The following FLRT2 variants were observed in gnomAD, a reference collection of about 807,000 sequenced individuals.
FLRT2 encodes the protein leucine-rich repeat transmembrane protein FLRT2.
Under a neutral mutation model 40.0 loss-of-function variants are expected in FLRT2, and 15 were observed. The ratio of observed to expected loss-of-function variants is 0.38; its 90% CI spans 0.25 to 0.58. FLRT2 has a LOEUF of 0.58. Among genes scored for constraint, FLRT2 ranks in the 20% least tolerant of loss-of-function variants. FLRT2 has a pLI of 0.71. For synonymous variants in FLRT2, 380 were observed against 336.8 expected (o/e 1.13, Z -1.41); for missense variants, 726 against 840.0 (o/e 0.86, Z 1.68).
At position 85,626,230 on chromosome 14, in the gene FLRT2, G is replaced by C. The variant is rs1016794985; in HGVS notation, c.*2733G>C. On this transcript the variant is annotated 3_prime_UTR_variant, in exon 2 of 2. Coordinates refer to ENST00000330753, the MANE Select transcript of FLRT2 (RefSeq NM_013231.6). ...TGAAAATTGCCAAACAACTGTCCCT[G>C]GGGATTCTGCTTTGATTGGCATTTT... is the stretch of plus-strand genomic sequence containing the variant. The C allele has an allele frequency of 1.2e-5, 2 of 167,062 alleles. No homozygotes were observed. Among genetic ancestry groups the C allele is most frequent in the African/African-American group, 4.8e-5 (2 of 41,442 alleles). 10.3% of individuals were successfully genotyped at this position (167,062 alleles called of 1,614,324 possible).
intron 1 of FLRT2, among the ~76,000 whole-genome samples, chr14:85,554,422 G>A (rs1400847113): frequency 6.6e-6 from 1 of 152,188 alleles, no homozygotes; most frequent in East Asian, 1.9e-4. Flanking sequence ...TGTATAGGAT[G>A]TACAGTATTT....
At position 85,566,322 on chromosome 14, in the gene FLRT2, G is replaced by A. The variant is rs1006594419; in HGVS notation, c.-377+35788G>A. On this transcript the variant is annotated intron_variant, in intron 1 of 1. Transcript: ENST00000330753. ...ATGGTTTTCACCGGATGCCTGTTGAGTCTGATTGTAGAGACTTTCAAGAGA... is the reference window on the plus strand; with the variant it reads ...ATGGTTTTCACCGGATGCCTGTTGAATCTGATTGTAGAGACTTTCAAGAGA... 2.0e-5 allele frequency among the ~76,000 whole-genome samples: 3 copies of A among 152,222 alleles called. No individual in the cohort carries two copies. In the East Asian group the frequency reaches 5.8e-4, roughly 29 times the overall value.
Position 85,623,508 on chromosome 14 carries a change from C to T in FLRT2, c.*11C>T, listed in dbSNP as rs1205830379. On this transcript the variant is annotated 3_prime_UTR_variant, in exon 2 of 2. Coordinates refer to ENST00000330753, the MANE Select transcript of FLRT2 (RefSeq NM_013231.6). The stretch of plus-strand genomic sequence containing the variant: ...CACTGCCATACGTGACAGCCAGAGG[C>T]CCAGCGTTATCAAGGCGGACAATTA... The T allele has an allele frequency of 2.1e-6, 3 of 1,420,742 alleles. No individual in the cohort carries two copies. Among genetic ancestry groups the T allele is most frequent in the Non-Finnish European group, 2.8e-6 (3 of 1,085,138 alleles). The allele number at this position is 1,420,742 out of a possible 1,614,324, so 88.0% of individuals were successfully genotyped here. A position where few individuals can be genotyped will look rare whatever the true frequency, so the allele number is the denominator to read the frequency against.
rs1079668 is a variant in FLRT2, at chr14:85,641,135, C to A, written c.*17638C>A. The stretch of plus-strand genomic sequence containing the variant: ...AAAGTGAAAACTAACAATAGAGAAG[C>A]CTTTTAAAAACCTAACAGCCTCCAA... On this transcript the variant is annotated 3_prime_UTR_variant, in exon 2 of 2. Coordinates refer to ENST00000330753, the MANE Select transcript of FLRT2 (RefSeq NM_013231.6). 6.6e-6 allele frequency: 1 copy of A among 152,210 alleles called. No individual in the cohort carries two copies. The highest frequency in any genetic ancestry group is 6.5e-5 in the Admixed American group (1 of 15,280). The allele number at this position is 152,210 out of a possible 1,614,324, so 9.4% of individuals were successfully genotyped here. A position where few individuals can be genotyped will look rare whatever the true frequency, so the allele number is the denominator to read the frequency against.
At chr14:85,554,774 T>C (rs574427586) in intron 1 of FLRT2, among the ~76,000 whole-genome samples, 1 of 152,368 alleles carries the variant, frequency 6.6e-6, no homozygotes, top group East Asian at 1.9e-4. Flanking sequence ...AGAGTTGTGC[T>C]ATGAATTTCA....
intron 1 of FLRT2, among the ~76,000 whole-genome samples, chr14:85,569,574 C>T (rs977627807): frequency 1.1e-4 from 16 of 152,158 alleles, no homozygotes; most frequent in South Asian, 2.1e-4. Flanking sequence ...GGACACTGGA[C>T]GTGTACTTTA....
At chr14:85,538,646 C>T (rs1888810621) in intron 1 of FLRT2, among the ~76,000 whole-genome samples, 2 of 152,092 alleles carry the variant, frequency 1.3e-5, no homozygotes, top group Non-Finnish European at 2.9e-5. Flanking sequence ...TGGATTTCAA[C>T]CCACTGAAAA....
Position 85,627,395 on chromosome 14 carries a change from G to A in FLRT2, c.*3898G>A, listed in dbSNP as rs1165597198. 2 of 167,066 alleles carry A rather than the reference G, an allele frequency of 1.2e-5. No individual in the cohort carries two copies. The highest frequency in any genetic ancestry group is 4.8e-5 in the African/African-American group (2 of 41,432). 10.3% of individuals were successfully genotyped at this position (167,066 alleles called of 1,614,324 possible). On this transcript the variant is annotated 3_prime_UTR_variant, in exon 2 of 2. Transcript: ENST00000330753. ...CAGCAGGGTCAAAAGACAGTTACTA[G>A]CAATGGGGAATGCTTGTCACTGTGG...
chr14:85,587,084 A>G (rs1017228998), intron 1 of FLRT2, among the ~76,000 whole-genome samples: 8 of 152,122 alleles, frequency 5.3e-5, no homozygotes, highest in African/African-American at 1.9e-4. Context: ...CCTTGGCTCT[A>G]TCTAAGACAA....
intron 1 of FLRT2, among the ~76,000 whole-genome samples, chr14:85,606,374 T>C (rs928072261): frequency 3.9e-5 from 6 of 152,170 alleles, no homozygotes; most frequent in African/African-American, 1.4e-4. Flanking sequence ...TTGGGAAAGT[T>C]ACTTAAACAC....
At position 85,621,394 on chromosome 14, in the gene FLRT2, T is replaced by C; in HGVS notation, c.-121T>C. 1.2e-6 allele frequency: 1 copy of C among 853,312 alleles called. No individual in the cohort carries two copies. The highest frequency in any genetic ancestry group is 1.8e-6 in the Non-Finnish European group (1 of 564,016). 52.9% of individuals were successfully genotyped at this position (853,312 alleles called of 1,614,324 possible). ...ATTTTACCATACGCCCTCAGGACGT[T>C]CCCTCTAGCTGGAGTTCTGGACTTC... On this transcript the variant is annotated 5_prime_UTR_variant, in exon 2 of 2. Transcript: ENST00000330753.
intron 1 of FLRT2, among the ~76,000 whole-genome samples, chr14:85,567,855 G>A (rs914049722): frequency 6.6e-6 from 1 of 151,914 alleles, no homozygotes; most frequent in Admixed American, 6.6e-5. Flanking sequence ...TGACCAGGCT[G>A]GTCTCGAACT....
At chr14:85,595,294 G>A (rs1302638542) in intron 1 of FLRT2, among the ~76,000 whole-genome samples, 1 of 152,034 alleles carries the variant, frequency 6.6e-6, no homozygotes. Flanking sequence ...CTGGCTTTGG[G>A]AGTCATATAA....
intron 1 of FLRT2, among the ~76,000 whole-genome samples, chr14:85,562,248 C>A (rs1890380458): frequency 1.3e-5 from 2 of 152,316 alleles, no homozygotes; most frequent in South Asian, 4.1e-4. Context: ...GGGACTCACT[C>A]ATGTTTCCAA....
At chr14:85,547,719 G>T (rs1889363490) in intron 1 of FLRT2, among the ~76,000 whole-genome samples, 1 of 152,136 alleles carries the variant, frequency 6.6e-6, no homozygotes, top group Non-Finnish European at 1.5e-5. Context: ...TTTTGCCAGG[G>T]TTGAGGATGT....
At position 85,650,481 on chromosome 14, in the gene FLRT2, T is replaced by C. The variant is rs1408320097; in HGVS notation, c.*26984T>C. 1 of 152,058 alleles carries C rather than the reference T, an allele frequency of 6.6e-6. No homozygotes were observed. Among genetic ancestry groups the C allele is most frequent in the African/African-American group, 2.4e-5 (1 of 41,446 alleles). 9.4% of individuals were successfully genotyped at this position (152,058 alleles called of 1,614,324 possible). ...TATGAGAGTTCCTAAACACACACAG[T>C]GTATCTAGAATTTGAATTGCTAAAA... On this transcript the variant is annotated 3_prime_UTR_variant, in exon 2 of 2. Transcript: ENST00000330753.
chr14:85,617,629 A>G (rs1211349220), intron 1 of FLRT2, among the ~76,000 whole-genome samples: 1 of 152,206 alleles, frequency 6.6e-6, no homozygotes, highest in African/African-American at 2.4e-5. Flanking sequence ...AAAAATTTAA[A>G]TGTAGAAAAT....
intron 1 of FLRT2, among the ~76,000 whole-genome samples, chr14:85,592,451 G>A (rs1376651959): frequency 3.3e-5 from 5 of 151,974 alleles, no homozygotes. Context: ...AACAAATGGG[G>A]TCTGGAATTT....
At chr14:85,587,131 A>T (rs1891653925) in intron 1 of FLRT2, among the ~76,000 whole-genome samples, 1 of 152,104 alleles carries the variant, frequency 6.6e-6, no homozygotes, top group Admixed American at 6.6e-5. Context: ...TCAAACGAGG[A>T]AGCTTTGTTG....
Sources: allele counts gnomAD v4.1 joint callset (sites outside exome capture counted in the v4.1 genomes callset), GRCh38; gene constraint gnomAD v4.1.1; transcripts MANE v1.5; gene names NCBI Gene and HGNC (gene_info 2026-07-23, HGNC 2026-07-21).